RNF144A: variants seen among roughly 807,000 people sequenced by gnomAD.
RNF144A encodes the protein ring finger protein 144A.
In RNF144A, 11 loss-of-function variants were observed where a neutral mutation model predicts 38.7. The ratio of observed to expected loss-of-function variants is 0.28; its 90% CI spans 0.18 to 0.47. RNF144A has a LOEUF of 0.47. Among genes scored for constraint, RNF144A ranks in the 20% least tolerant of loss-of-function variants. RNF144A has a pLI of 0.99. For synonymous variants in RNF144A, 149 were observed against 143.9 expected, an observed-to-expected ratio of 1.04 and a Z score of -0.25; for missense variants, 316 against 377.2, an observed-to-expected ratio of 0.84 and a Z score of 1.34.
At chr2:7,012,949 A>G (rs547306437) in intron 3 of RNF144A, among the ~76,000 whole-genome samples, 23 of 152,346 alleles carry the variant, frequency 1.5e-4, no homozygotes, top group Non-Finnish European at 3.2e-4. Flanking sequence ...AGGCTGGAAC[A>G]CAGGGTTCAG....
Position 7,041,673 on chromosome 2 carries a change from C to T in RNF144A, c.*1913C>T. On this transcript the variant is annotated 3_prime_UTR_variant, in exon 9 of 9. Coordinates refer to ENST00000320892, the MANE Select transcript of RNF144A (RefSeq NM_014746.6). ...TGTGGATGCAGCTGTCCAGCCACTG[C>T]CCTTTAACATGCCCAGCACACATGG... 6 of 985,474 alleles carry T rather than the reference C, an allele frequency of 6.1e-6. No homozygotes were observed. In the South Asian group the frequency reaches 2.8e-4, roughly 46 times the overall value. The allele number at this position is 985,474 out of a possible 1,614,324, so 61.0% of individuals were successfully genotyped here.
chr2:7,028,474 G>A (rs776137608), intron 7 of RNF144A, among the ~76,000 whole-genome samples: 8 of 152,262 alleles, frequency 5.3e-5, no homozygotes, highest in South Asian at 2.1e-4. Flanking sequence ...CAGGTGGCTC[G>A]GATGTGCAGC....
chr2:7,058,817 T>C (rs1423059472), intron 6 of RNF144A, among the ~76,000 whole-genome samples: 1 of 152,228 alleles, frequency 6.6e-6, no homozygotes, highest in Non-Finnish European at 1.5e-5. Context: ...CCTTGCAATG[T>C]TTTTGTTAAA....
intron 7 of RNF144A, among the ~76,000 whole-genome samples, chr2:7,029,772 A>G (rs925817479): frequency 7.2e-5 from 11 of 152,234 alleles, no homozygotes; most frequent in African/African-American, 4.8e-5. Flanking sequence ...CTGCGTGTTC[A>G]GTAGCCCTTT....
chr2:6,969,522 A>C (rs936294747), intron 2 of RNF144A, among the ~76,000 whole-genome samples: 1 of 152,120 alleles, frequency 6.6e-6, no homozygotes, highest in African/African-American at 2.4e-5. Flanking sequence ...GAGAAAATAC[A>C]TTTCTGTTAT....
intron 2 of RNF144A, among the ~76,000 whole-genome samples, chr2:6,985,645 TC>T (rs1403599179): frequency 1.3e-5 from 2 of 152,122 alleles, no homozygotes; most frequent in African/African-American, 4.8e-5. Context: ...TTGATCGGTA[TC>T]AATGGGGTTT....
At chr2:7,035,827 A>G (rs191524369) in intron 8 of RNF144A, among the ~76,000 whole-genome samples, 3 of 152,340 alleles carry the variant, frequency 2.0e-5, no homozygotes, top group Admixed American at 2.0e-4. Context: ...TGCCACTTGC[A>G]TCTTACCTGG....
At chr2:7,051,562 G>A (rs1015417202) in intron 6 of RNF144A, among the ~76,000 whole-genome samples, 4 of 152,192 alleles carry the variant, frequency 2.6e-5, no homozygotes, top group Non-Finnish European at 5.9e-5. Flanking sequence ...TCTATGCCCA[G>A]CCTGTGGAGT....
At chr2:7,073,554 T>G in the RNF144A span, among the ~76,000 whole-genome samples, 1 of 152,184 alleles carries the variant, frequency 6.6e-6, no homozygotes, top group Admixed American at 6.5e-5. Flanking sequence ...CTGGAGATAA[T>G]GAGGTGTCTT....
chr2:7,064,835 A>G (rs1018413671), intron 6 of RNF144A, among the ~76,000 whole-genome samples: 5 of 152,356 alleles, frequency 3.3e-5, no homozygotes, highest in Admixed American at 2.6e-4. Flanking sequence ...GAATATTCAC[A>G]TGGATCCCAG....
intron 2 of RNF144A, among the ~76,000 whole-genome samples, chr2:6,993,456 A>G (rs1669523708): frequency 6.6e-6 from 1 of 152,180 alleles, no homozygotes; most frequent in Non-Finnish European, 1.5e-5. Flanking sequence ...CAGGAAAAGG[A>G]GCCCAGATCT....
At chr2:7,016,324 GA>G (rs1176010385) in intron 5 of RNF144A, among the ~76,000 whole-genome samples, 1 of 152,102 alleles carries the variant, frequency 6.6e-6, no homozygotes, top group Non-Finnish European at 1.5e-5. Context: ...TTAGACTTCT[GA>G]GACTTTCAGG....
At chr2:7,017,081 T>C (rs1273659605) in intron 5 of RNF144A, among the ~76,000 whole-genome samples, 1 of 151,930 alleles carries the variant, frequency 6.6e-6, no homozygotes, top group African/African-American at 2.4e-5. Context: ...AGCGAGGGGG[T>C]GTGGATGCCT....
chr2:7,022,594 A>G (rs557471690), intron 6 of RNF144A, among the ~76,000 whole-genome samples: 4 of 152,334 alleles, frequency 2.6e-5, no homozygotes, highest in Admixed American at 2.6e-4. Context: ...TTCCAAAATC[A>G]GCTTGTGAGT....
chr2:6,985,828 G>A lies in RNF144A; in HGVS notation c.-11-11088G>A, dbSNP rs72781751. ...GCTGGGACTGCACGTGCGCACCATC[G>A]CACCCGGCTAATTTTTTTTGTATTT... On this transcript the variant is annotated intron_variant, in intron 2 of 8. Coordinates refer to ENST00000320892, the MANE Select transcript of RNF144A (RefSeq NM_014746.6). Among the ~76,000 whole-genome samples the A allele has an allele frequency of 3.9e-5, 6 of 152,044 alleles. No individual in the cohort carries two copies. In the South Asian group the frequency reaches 8.3e-4, roughly 21 times the overall value.
intron 3 of RNF144A, among the ~76,000 whole-genome samples, chr2:7,005,063 TAA>T (rs1440540476): frequency 6.6e-6 from 1 of 152,238 alleles, no homozygotes; most frequent in Non-Finnish European, 1.5e-5. Flanking sequence ...GAGATGTATC[TAA>T]GAAATCATAG....
intron 2 of RNF144A, among the ~76,000 whole-genome samples, chr2:6,990,222 A>G (rs1362996183): frequency 6.6e-6 from 1 of 152,080 alleles, no homozygotes; most frequent in South Asian, 2.1e-4. Context: ...CCCCTGGCTT[A>G]CAGAGGCTGC....
At chr2:7,027,869 A>G (rs1294674931) in intron 7 of RNF144A, among the ~76,000 whole-genome samples, 2 of 151,956 alleles carry the variant, frequency 1.3e-5, no homozygotes, top group Non-Finnish European at 2.9e-5. Context: ...TGCTTTTATC[A>G]GGGGATAAGA....
At chr2:6,996,807 T>G in intron 2 of RNF144A, 109 bp from the exon 3 acceptor site, 1 of 1,102,724 alleles carries the variant, frequency 9.1e-7, no homozygotes, top group Non-Finnish European at 1.3e-6. Context: ...CCATCAGCAG[T>G]CAGTTGGCCA....
Sources: allele counts gnomAD v4.1 joint callset (sites outside exome capture counted in the v4.1 genomes callset), GRCh38; gene constraint gnomAD v4.1.1; transcripts MANE v1.5; gene names NCBI Gene and HGNC (gene_info 2026-07-23, HGNC 2026-07-21).